Variants in CSN2 observed in about 807,000 individuals in gnomAD.
CSN2 encodes the protein casein beta.
Under a neutral mutation model 27.3 loss-of-function variants are expected in CSN2, and 27 were observed. The observed-to-expected ratio is 0.99, with a 90% confidence interval of 0.73 to 1.36. CSN2 has a LOEUF of 1.36. CSN2 is among the 40% of genes most tolerant of loss of function. The probability of loss-of-function intolerance (pLI) is 0.00; values close to 1 mark genes in which losing one functional copy is unlikely to be tolerated. For synonymous variants in CSN2, 131 were observed against 94.8 expected (o/e 1.38, Z -2.22); for missense variants, 333 against 264.5 (o/e 1.26, Z -1.80).
Position 69,957,625 on chromosome 4 carries a change from G to T in CSN2, c.324C>A (p.Val108=), listed in dbSNP as rs1451600412. 3.7e-6 allele frequency: 6 copies of T among 1,613,988 alleles called. No homozygotes were observed. Among genetic ancestry groups the T allele is most frequent in the Non-Finnish European group, 4.2e-6 (5 of 1,179,992 alleles). Residue 108 remains valine (V), a synonymous_variant, in exon 6 of 8, where the codon GTC becomes GTA. Coordinates refer to ENST00000353151, the MANE Select transcript of CSN2 (RefSeq NM_001891.4). ...CAGGCATCACTCTGCCCTTAGTGTA[G>T]ACAGTGTCTTTAGCTTTAGGGACTT... ...IMEVPKAKDT[V]YTKGRVMPVL...
chr4:69,962,023 CAAGGGATGAG>C (rs1482921192), intron 1 of CSN2, among the ~76,000 whole-genome samples: 1 of 152,078 alleles, frequency 6.6e-6, no homozygotes, highest in Non-Finnish European at 1.5e-5. Context: ...ATCCAACTTA[CAAGGGATGAG>C]AAGGACCTCT....
At chr4:69,965,427 T>TATATAC (rs1353708332) in intron 1 of CSN2, among the ~76,000 whole-genome samples, 33 of 143,948 alleles carry the variant, frequency 2.3e-4, no homozygotes, top group Middle Eastern at 3.7e-3. Context: ...TATATATATA[T>TATATAC]ATATATATAT....
intron 1 of CSN2, 59 bp from the exon 2 acceptor site, chr4:69,961,066 T>A: frequency 8.3e-7 from 1 of 1,209,012 alleles, no homozygotes; most frequent in Non-Finnish European, 1.2e-6. Context: ...TACTTTCTTA[T>A]GTAGGTAAGG....
At chr4:69,964,535 C>G (rs1442499281) in intron 1 of CSN2, among the ~76,000 whole-genome samples, 1 of 151,712 alleles carries the variant, frequency 6.6e-6, no homozygotes, top group Non-Finnish European at 1.5e-5. Context: ...GAACATAATT[C>G]TATTACAGAA....
chr4:69,958,953 G>T lies in CSN2; in HGVS notation c.100C>A (p.Gln34Lys). 6.3e-7 allele frequency: 1 copy of T among 1,596,482 alleles called. No individual in the cohort carries two copies. The highest frequency in any genetic ancestry group is 8.6e-7 in the Non-Finnish European group (1 of 1,168,204). Residue 34 changes from glutamine (Q) to lysine (K), a missense_variant and splice_region_variant, in exon 5 of 8, where the codon CAG becomes AAG. Gln to Lys is a moderately conservative substitution (Grantham distance 53, BLOSUM62 1). Coordinates refer to ENST00000353151, the MANE Select transcript of CSN2 (RefSeq NM_001891.4). ...TCATGTTTAACCTTCTCAACTTTCT[G>T]CTAAAGATATATCATATATAAAGAT... ...SSEESITEYK[Q>K]KVEKVKHEDQ...
Position 69,957,766 on chromosome 4 carries a change from T to C in CSN2, c.183A>G (p.Pro61=), listed in dbSNP as rs1578143562. Residue 61 remains proline (P), a synonymous_variant, in exon 6 of 8, where the codon CCA becomes CCG. Transcript: ENST00000353151. ...HQDKIYPSFQ[P]QPLIYPFVEP... ...CAACGAATGGATAGATCAGAGGCTG[T>C]GGCTGGAAAGAGGGGTAGATTTTAT... 1 of 1,613,700 alleles carries C rather than the reference T, an allele frequency of 6.2e-7. No homozygotes were observed. The highest frequency in any genetic ancestry group is 8.5e-7 in the Non-Finnish European group (1 of 1,179,884).
intron 3 of CSN2, 57 bp from the exon 4 acceptor site, chr4:69,959,126 T>C (rs1723490729): frequency 5.2e-6 from 6 of 1,147,242 alleles, no homozygotes; most frequent in Non-Finnish European, 7.3e-6. Flanking sequence ...TACTTTGCAA[T>C]ATAAATCAGG....
At position 69,956,271 on chromosome 4, in the gene CSN2, GTA is replaced by G. The variant is rs2109740468; in HGVS notation, c.*36+41_*36+42del. 2.4e-6 allele frequency: 3 copies of G among 1,262,372 alleles called. No homozygotes were observed. The Admixed American group carries it at 9.3e-5, about 39-fold the overall frequency. 78.2% of individuals were successfully genotyped at this position (1,262,372 alleles called of 1,614,324 possible). A position where few individuals can be genotyped will look rare whatever the true frequency, so the allele number is the denominator to read the frequency against. ...AGAATTAAATGTAAAAAGACATCATGTATAAAAATGATCAATTAAATCTCCAA... is the reference window on the plus strand; with the variant it reads ...AGAATTAAATGTAAAAAGACATCATGTAAAAATGATCAATTAAATCTCCAA... On this transcript the variant is annotated intron_variant, in intron 7 of 7. Coordinates refer to ENST00000353151, the MANE Select transcript of CSN2 (RefSeq NM_001891.4).
rs1003669682 is a variant in CSN2, at chr4:69,957,567, G to A, written c.382C>T (p.Pro128Ser). The change falls in exon 6 of 8, where the codon CCT (proline) becomes TCT (serine). Residue 128 changes from proline to serine, a missense_variant. Physicochemically the swap from Pro to Ser is moderately conservative, Grantham distance 74. Transcript: ENST00000353151. ...AGATCAGTGAGTTTTGGGATTTGAG[G>A]GTCAAAAAAGGGTATCGTTGGAGAT... ...LKSPTIPFFDPQIPKLTDLEN... is the reference protein window; with the variant it reads ...LKSPTIPFFDSQIPKLTDLEN... 8 of 1,613,528 alleles carry A rather than the reference G, an allele frequency of 5.0e-6. No homozygotes were observed. The African/African-American group carries it at 9.4e-5, about 19-fold the overall frequency.
chr4:69,961,942 G>A (rs1159340480), intron 1 of CSN2, among the ~76,000 whole-genome samples: 2 of 152,070 alleles, frequency 1.3e-5, no homozygotes, highest in Non-Finnish European at 2.9e-5. Flanking sequence ...ACCAATAACA[G>A]ACAAACAGAG....
intron 6 of CSN2, among the ~76,000 whole-genome samples, chr4:69,957,002 G>A (rs1035706847): frequency 6.6e-6 from 1 of 152,024 alleles, no homozygotes; most frequent in African/African-American, 2.4e-5. Flanking sequence ...TGGACCTGTC[G>A]TGGGGTGGGG....
At chr4:69,957,919 T>C in intron 5 of CSN2, 115 bp from the exon 6 acceptor site, 4 of 971,714 alleles carry the variant, frequency 4.1e-6, no homozygotes, top group Non-Finnish European at 6.0e-6. Flanking sequence ...GAGGAGAAAA[T>C]ATTTCACTTA....
At chr4:69,959,937 T>C (rs1226202433) in intron 3 of CSN2, 116 bp downstream of exon 3, 1 of 829,854 alleles carries the variant, frequency 1.2e-6, no homozygotes, top group African/African-American at 1.7e-5. Context: ...AAGAAATATG[T>C]ACTAGAACTT....
chr4:69,957,552 G>A lies in CSN2; in HGVS notation c.397C>T (p.Leu133Phe). The A allele has an allele frequency of 6.2e-7, 1 of 1,613,986 alleles. No individual in the cohort carries two copies. ...AGATGCAGATTTTCAAGATCAGTGA[G>A]TTTTGGGATTTGAGGGTCAAAAAAG... ...IPFFDPQIPK[L>F]TDLENLHLPL... Residue 133 changes from leucine to phenylalanine, a missense_variant, in exon 6 of 8, where the codon CTC (leucine) becomes TTC (phenylalanine). Physicochemically the swap from Leu to Phe is conservative, Grantham distance 22. Transcript: ENST00000353151.
chr4:69,957,756 T>C lies in CSN2; in HGVS notation c.193A>G (p.Ile65Val). The C allele has an allele frequency of 6.2e-7, 1 of 1,613,918 alleles. No homozygotes were observed. ...GGGATAGGTTCAACGAATGGATAGA[T>C]CAGAGGCTGTGGCTGGAAAGAGGGG... Reference protein sequence around the residue: ...IYPSFQPQPLIYPFVEPIPYG... With the variant: ...IYPSFQPQPLVYPFVEPIPYG... The change falls in exon 6 of 8, where the codon ATC becomes GTC. Residue 65 changes from isoleucine (I) to valine (V), a missense_variant. Ile to Val is a conservative substitution (Grantham distance 29, BLOSUM62 3). Transcript: ENST00000353151.
intron 5 of CSN2, 71 bp downstream of exon 5, chr4:69,958,838 C>T (rs1351840503): frequency 8.4e-6 from 8 of 948,248 alleles, no homozygotes; most frequent in East Asian, 2.8e-5. Context: ...TCAACATACA[C>T]ATTATAAATA....
In CSN2 at chr4:69,957,735, T is replaced by C. The variant is rs199789682; in HGVS notation, c.214A>G (p.Ile72Val). The C allele has an allele frequency of 6.2e-7, 1 of 1,613,854 alleles. No individual in the cohort carries two copies. Among genetic ancestry groups the C allele is most frequent in the East Asian group, 2.2e-5 (1 of 44,874 alleles). Reference protein sequence around the residue: ...QPLIYPFVEPIPYGFLPQNIL... With the variant: ...QPLIYPFVEPVPYGFLPQNIL... ...TTTTGTGGAAGAAAACCATAGGGGATAGGTTCAACGAATGGATAGATCAGA... is the reference window on the plus strand; with the variant it reads ...TTTTGTGGAAGAAAACCATAGGGGACAGGTTCAACGAATGGATAGATCAGA... Residue 72 changes from isoleucine to valine, a missense_variant, in exon 6 of 8, where the codon ATC becomes GTC. By Grantham distance (29) the Ile-to-Val change is conservative (BLOSUM62 3). Transcript: ENST00000353151.
chr4:69,958,613 A>G (rs986075518), intron 5 of CSN2, among the ~76,000 whole-genome samples: 2 of 152,120 alleles, frequency 1.3e-5, no homozygotes, highest in Non-Finnish European at 1.5e-5. Flanking sequence ...TAAGAGGATC[A>G]TAGTTCCCAA....
intron 1 of CSN2, among the ~76,000 whole-genome samples, chr4:69,965,410 A>C (rs1325357105): frequency 5.0e-4 from 21 of 42,046 alleles, no homozygotes; most frequent in African/African-American, 1.6e-3. Flanking sequence ...GCCTCATACT[A>C]TATATATATA....
Sources: allele counts gnomAD v4.1 joint callset (sites outside exome capture counted in the v4.1 genomes callset), GRCh38; gene constraint gnomAD v4.1.1; transcripts MANE v1.5; gene names NCBI Gene and HGNC (gene_info 2026-07-23, HGNC 2026-07-21).